The following FGGY variants were observed in gnomAD, a reference collection of about 807,000 sequenced individuals.
FGGY encodes the protein FGGY carbohydrate kinase domain containing, also known as FGGY carbohydrate kinase domain-containing protein.
A neutral mutation model predicts 71.3 loss-of-function variants in FGGY; 72 were observed. The ratio of observed to expected loss-of-function variants is 1.01; its 90% CI spans 0.84 to 1.23. The LOEUF (loss-of-function observed/expected upper bound fraction) is 1.23. Among genes scored for constraint, FGGY ranks in the 50% most tolerant of loss-of-function variants. The probability of loss-of-function intolerance (pLI) is 0.00; values close to 1 mark genes in which losing one functional copy is unlikely to be tolerated. For missense variants in FGGY, 668 were observed against 682.3 expected, an observed-to-expected ratio of 0.98 and a Z score of 0.23; for synonymous variants, 251 against 250.3, an observed-to-expected ratio of 1.00 and a Z score of -0.02.
chr1:59,559,126 G>C (rs1298953730), intron 8 of FGGY, among the ~76,000 whole-genome samples: 1 of 152,160 alleles, frequency 6.6e-6, no homozygotes, highest in Non-Finnish European at 1.5e-5. Flanking sequence ...GTCCTGAGGT[G>C]AAGTACATTC....
rs1364497051 is a variant in FGGY, at chr1:59,417,045, C to T, written c.554+38208C>T. Among the ~76,000 whole-genome samples the T allele has an allele frequency of 3.3e-5, 5 of 152,232 alleles. No individual in the cohort carries two copies. In the Middle Eastern group the frequency reaches 0.014, roughly 414 times the overall value. On this transcript the variant is annotated intron_variant, in intron 5 of 15. Coordinates refer to ENST00000303721, the MANE Select transcript of FGGY (RefSeq NM_018291.5). ...TAGTATATTCACAGGATTATGCAAC[C>T]ATACCCCAGTATCCGATTCCAAAAC...
At chr1:59,416,721 G>T (rs533703888) in intron 5 of FGGY, among the ~76,000 whole-genome samples, 1 of 152,298 alleles carries the variant, frequency 6.6e-6, no homozygotes, top group African/African-American at 2.4e-5. Flanking sequence ...GGAAGAATTG[G>T]TGAGAAGAGC....
intron 5 of FGGY, among the ~76,000 whole-genome samples, chr1:59,386,583 T>C (rs1398730576): frequency 6.6e-6 from 1 of 152,030 alleles, no homozygotes; most frequent in African/African-American, 2.4e-5. Flanking sequence ...GAAGTCACTA[T>C]GCACAGCCCA....
intron 7 of FGGY, among the ~76,000 whole-genome samples, chr1:59,541,986 T>G (rs11811141): frequency 0.2 from 30,817 of 152,168 alleles, 4,274 homozygotes; most frequent in African/African-American, 0.39. Flanking sequence ...ACAGCACCTG[T>G]CCTGCGTAAA....
chr1:59,571,904 T>G (rs1158564690), intron 8 of FGGY, among the ~76,000 whole-genome samples: 1 of 152,126 alleles, frequency 6.6e-6, no homozygotes, highest in Non-Finnish European at 1.5e-5. Flanking sequence ...AGACAATGTC[T>G]TTTAAAAAAT....
intron 5 of FGGY, among the ~76,000 whole-genome samples, chr1:59,390,521 T>C (rs1195809645): frequency 1.3e-5 from 2 of 152,162 alleles, no homozygotes; most frequent in African/African-American, 4.8e-5. Flanking sequence ...GTGCCTCACA[T>C]TGGAGTGAGC....
At chr1:59,371,067 A>C (rs1026671276) in intron 4 of FGGY, among the ~76,000 whole-genome samples, 15 of 152,092 alleles carry the variant, frequency 9.9e-5, no homozygotes, top group Admixed American at 3.9e-4. Flanking sequence ...TATTAACTTT[A>C]AATGTAAATG....
At chr1:59,363,251 A>G (rs1046234212) in intron 4 of FGGY, among the ~76,000 whole-genome samples, 1 of 152,312 alleles carries the variant, frequency 6.6e-6, no homozygotes, top group African/African-American at 2.4e-5. Flanking sequence ...AAATAACACC[A>G]CTAATAAGTA....
rs2098352964 is a variant in FGGY, at chr1:59,762,695, T to G, written c.*111T>G. On this transcript the variant is annotated 3_prime_UTR_variant, in exon 16 of 16. Coordinates refer to ENST00000303721, the MANE Select transcript of FGGY (RefSeq NM_018291.5). Reference sequence around the variant, plus strand: ...GTATTGTTTCATCATTTCTGTATTGTCTTTCAATAAAGAAAACAAACATGT... The same window carrying G: ...GTATTGTTTCATCATTTCTGTATTGGCTTTCAATAAAGAAAACAAACATGT... The G allele has an allele frequency of 1.3e-6, 1 of 765,000 alleles. No individual in the cohort carries two copies. The highest frequency in any genetic ancestry group is 1.8e-5 in the African/African-American group (1 of 56,644). The allele number at this position is 765,000 out of a possible 1,614,324, so 47.4% of individuals were successfully genotyped here.
At chr1:59,757,491 A>G (rs1208334988) in intron 14 of FGGY, among the ~76,000 whole-genome samples, 1 of 152,246 alleles carries the variant, frequency 6.6e-6, no homozygotes, top group African/African-American at 2.4e-5. Context: ...TTTATCCTCA[A>G]GTACAGGTGC....
chr1:59,634,330 C>T (rs1274342753), intron 10 of FGGY, among the ~76,000 whole-genome samples: 8 of 152,060 alleles, frequency 5.3e-5, no homozygotes, highest in Non-Finnish European at 8.8e-5. Flanking sequence ...TCACTTGAAC[C>T]CAGGAGGCAG....
intron 8 of FGGY, among the ~76,000 whole-genome samples, chr1:59,568,254 G>A (rs1311829577): frequency 6.6e-6 from 1 of 152,104 alleles, no homozygotes; most frequent in East Asian, 1.9e-4. Flanking sequence ...GAAATGCTTT[G>A]GGTTGAAGAA....
At chr1:59,731,147 T>C (rs1241953789) in intron 14 of FGGY, among the ~76,000 whole-genome samples, 3 of 152,226 alleles carry the variant, frequency 2.0e-5, no homozygotes, top group Non-Finnish European at 2.9e-5. Flanking sequence ...CATGCTCTTT[T>C]GAATTTGCTC....
chr1:59,420,295 T>C (rs1206890574), intron 5 of FGGY, among the ~76,000 whole-genome samples: 1 of 152,180 alleles, frequency 6.6e-6, no homozygotes, highest in East Asian at 1.9e-4. Context: ...CCAGAGGGAA[T>C]TAGGAATTTT....
intron 14 of FGGY, among the ~76,000 whole-genome samples, chr1:59,691,645 T>TC (rs1478008066): frequency 1.7e-4 from 26 of 151,196 alleles, no homozygotes; most frequent in Middle Eastern, 6.8e-3. Context: ...TCTTTTCTTT[T>TC]TTTTTTTTTT....
intron 7 of FGGY, among the ~76,000 whole-genome samples, chr1:59,544,871 T>G (rs905830880): frequency 6.6e-6 from 1 of 152,242 alleles, no homozygotes; most frequent in Non-Finnish European, 1.5e-5. Flanking sequence ...AACAGTTTTG[T>G]ACCATCTGGC....
intron 5 of FGGY, among the ~76,000 whole-genome samples, chr1:59,423,096 T>A (rs560666121): frequency 6.6e-6 from 1 of 152,256 alleles, no homozygotes; most frequent in South Asian, 2.1e-4. Context: ...GGAGGGGAAA[T>A]CTGTTCAGAG....
At chr1:59,344,101 G>A (rs146479107) in intron 3 of FGGY, among the ~76,000 whole-genome samples, 189 of 152,230 alleles carry the variant, frequency 1.2e-3, no homozygotes, top group African/African-American at 4.5e-3. Context: ...ACTTCTGTTA[G>A]ATAGAGGAAC....
At chr1:59,392,361 TACATC>T (rs2060798745) in intron 5 of FGGY, among the ~76,000 whole-genome samples, 1 of 152,206 alleles carries the variant, frequency 6.6e-6, no homozygotes, top group Non-Finnish European at 1.5e-5. Context: ...TTTCAGGACC[TACATC>T]ACAAGATACA....
Sources: gnomAD v4.1 joint callset for allele counts (sites outside exome capture counted in the v4.1 genomes callset) on GRCh38, gnomAD v4.1.1 for gene constraint, MANE v1.5 for transcripts, NCBI Gene and HGNC (gene_info 2026-07-23, HGNC 2026-07-21) for gene names.